Variants in PHLDB2 observed in about 807,000 individuals in gnomAD.
PHLDB2 encodes the protein pleckstrin homology-like domain family B member 2.
In PHLDB2, 71 loss-of-function variants were observed where a neutral mutation model predicts 123.6. That is an observed-to-expected ratio of 0.57 (90% CI 0.47 to 0.70). The LOEUF is 0.70. PHLDB2 is among the 30% of genes least tolerant of loss of function. The pLI is 0.00. For synonymous variants in PHLDB2, 547 were observed against 541.6 expected, an observed-to-expected ratio of 1.01 and a Z score of -0.14; for missense variants, 1,446 against 1,519.5, an observed-to-expected ratio of 0.95 and a Z score of 0.80.
At chr3:111,924,781 TA>T (rs1251170115) in intron 5 of PHLDB2, among the ~76,000 whole-genome samples, 1 of 152,158 alleles carries the variant, frequency 6.6e-6, no homozygotes, top group Non-Finnish European at 1.5e-5. Context: ...GCCGGAGCCA[TA>T]GGAAAAAGGT....
At chr3:111,967,937 G>T in intron 15 of PHLDB2, 113 bp downstream of exon 15, 1 of 472,702 alleles carries the variant, frequency 2.1e-6, no homozygotes, top group Non-Finnish European at 3.2e-6. Flanking sequence ...ATTAGCACTT[G>T]ACATGTAAGG....
At chr3:111,774,814 T>G (rs2060238501) in intron 1 of PHLDB2, among the ~76,000 whole-genome samples, 1 of 152,144 alleles carries the variant, frequency 6.6e-6, no homozygotes, top group Non-Finnish European at 1.5e-5. Context: ...AGCTCTTTTG[T>G]CAACTCCACA....
intron 1 of PHLDB2, among the ~76,000 whole-genome samples, chr3:111,739,455 G>A (rs1345132155): frequency 1.3e-5 from 2 of 151,970 alleles, no homozygotes; most frequent in East Asian, 3.9e-4. Flanking sequence ...ACTTGCCCAA[G>A]GTTACAGAAA....
At chr3:111,835,783 A>G (rs996915133) in intron 1 of PHLDB2, among the ~76,000 whole-genome samples, 4 of 152,152 alleles carry the variant, frequency 2.6e-5, no homozygotes, top group African/African-American at 9.7e-5. Flanking sequence ...CACCAGGAAC[A>G]CCTTACATAG....
At chr3:111,733,719 T>A (rs1039752278) in intron 1 of PHLDB2, among the ~76,000 whole-genome samples, 2 of 152,222 alleles carry the variant, frequency 1.3e-5, no homozygotes, top group African/African-American at 4.8e-5. Context: ...ATTTTCCCCT[T>A]CAAGTCTACA....
intron 1 of PHLDB2, among the ~76,000 whole-genome samples, chr3:111,786,639 C>T (rs1171781700): frequency 6.6e-6 from 1 of 152,068 alleles, no homozygotes; most frequent in Non-Finnish European, 1.5e-5. Flanking sequence ...GCATCGGCAA[C>T]TTAGGGGATT....
At chr3:111,935,201 G>T (rs377576303) in intron 6 of PHLDB2, among the ~76,000 whole-genome samples, 3 of 144,560 alleles carry the variant, frequency 2.1e-5, no homozygotes, top group African/African-American at 7.6e-5. Context: ...CCAGGTTCAC[G>T]CCATTCTCCT....
In PHLDB2 at chr3:111,768,998, C is replaced by T. The variant is rs113777371; in HGVS notation, c.-49+36295C>T. ...AATTATGGGCCAATGAAAACAATGCCTTTAGTGAACTGCTGCCTCCCTTTC... is the reference window on the plus strand; with the variant it reads ...AATTATGGGCCAATGAAAACAATGCTTTTAGTGAACTGCTGCCTCCCTTTC... On this transcript the variant is annotated intron_variant, in intron 1 of 17. Coordinates refer to the PHLDB2 transcript ENST00000393923. Among the ~76,000 whole-genome samples, 1,465 of 152,294 alleles carry T rather than the reference C, an allele frequency of 9.6e-3. 16 individuals carry two copies. The highest frequency in any genetic ancestry group is 0.032 in the African/African-American group (1,343 of 41,548).
At chr3:111,753,744 T>TA (rs2059829168) in intron 1 of PHLDB2, among the ~76,000 whole-genome samples, 1 of 152,202 alleles carries the variant, frequency 6.6e-6, no homozygotes, top group South Asian at 2.1e-4. Context: ...TCCTGAATGG[T>TA]AATGCTTAGG....
rs558519361 is a variant in PHLDB2 at position 111,752,775 on chromosome 3, T to C, written c.-49+20072T>C. On this transcript the variant is annotated intron_variant, in intron 1 of 17. Transcript: ENST00000393923. Reference sequence around the variant, plus strand: ...AACTCCTCATTTAGCATTAGGTATATCTCCTAATGCTATCCCTCCCCACTG... The same window carrying C: ...AACTCCTCATTTAGCATTAGGTATACCTCCTAATGCTATCCCTCCCCACTG... 1.6e-4 allele frequency among the ~76,000 whole-genome samples: 25 copies of C among 152,106 alleles called. No individual in the cohort carries two copies. The South Asian group carries it at 5.2e-3, about 32-fold the overall frequency.
At chr3:111,893,857 C>CT (rs2066640336) in intron 2 of PHLDB2, among the ~76,000 whole-genome samples, 1 of 146,446 alleles carries the variant, frequency 6.8e-6, no homozygotes, top group Non-Finnish European at 1.5e-5. Context: ...AATCTATTCT[C>CT]TAAGTAAACA....
At chr3:111,869,716 TG>T (rs2065252835) in intron 1 of PHLDB2, among the ~76,000 whole-genome samples, 2 of 152,158 alleles carry the variant, frequency 1.3e-5, no homozygotes, top group South Asian at 2.1e-4. Flanking sequence ...TGTGTGTGTG[TG>T]TGTGTGTGTG....
intron 10 of PHLDB2, among the ~76,000 whole-genome samples, chr3:111,950,316 A>G (rs896573719): frequency 6.6e-6 from 1 of 152,212 alleles, no homozygotes; most frequent in African/African-American, 2.4e-5. Flanking sequence ...AGAATTTGTT[A>G]AACGTTTTAC....
intron 1 of PHLDB2, among the ~76,000 whole-genome samples, chr3:111,806,240 A>G (rs959296569): frequency 1.7e-4 from 26 of 152,288 alleles, no homozygotes; most frequent in African/African-American, 6.0e-4. Flanking sequence ...TGATGACTAT[A>G]TATGATTATG....
At chr3:111,766,675 C>T (rs918495320) in intron 1 of PHLDB2, among the ~76,000 whole-genome samples, 11 of 152,128 alleles carry the variant, frequency 7.2e-5, no homozygotes, top group African/African-American at 2.2e-4. Flanking sequence ...ATTTGATAAA[C>T]GTTTACTGGA....
intron 1 of PHLDB2, among the ~76,000 whole-genome samples, chr3:111,860,838 G>C (rs1298059584): frequency 6.6e-6 from 1 of 152,172 alleles, no homozygotes; most frequent in Admixed American, 6.5e-5. Flanking sequence ...GGCACAGCTG[G>C]GAGTGTAACT....
intron 1 of PHLDB2, among the ~76,000 whole-genome samples, chr3:111,843,124 G>GTTACCCC (rs2063770228): frequency 1.3e-5 from 2 of 152,184 alleles, no homozygotes; most frequent in African/African-American, 4.8e-5. Context: ...CGTAGGAGTG[G>GTTACCCC]AATTTCTGGA....
chr3:111,818,643 T>C (rs1452695510), intron 1 of PHLDB2, among the ~76,000 whole-genome samples: 1 of 152,210 alleles, frequency 6.6e-6, no homozygotes, highest in African/African-American at 2.4e-5. Context: ...GTCATGGCCT[T>C]GCTAGCTAGA....
chr3:111,954,729 G>A (rs577719415), intron 12 of PHLDB2, among the ~76,000 whole-genome samples: 11 of 152,318 alleles, frequency 7.2e-5, no homozygotes, highest in African/African-American at 2.4e-4. Context: ...GAGCAGGCAC[G>A]ATGCTAGGTG....
Sources: gnomAD v4.1 joint callset for allele counts (sites outside exome capture counted in the v4.1 genomes callset) on GRCh38, gnomAD v4.1.1 for gene constraint, MANE v1.5 for transcripts, NCBI Gene and HGNC (gene_info 2026-07-23, HGNC 2026-07-21) for gene names.